DDX4: variants seen among roughly 807,000 people sequenced by gnomAD.
DDX4 encodes probable ATP-dependent RNA helicase DDX4.
In DDX4, 25 loss-of-function variants were observed where a neutral mutation model predicts 100.0. The ratio of observed to expected loss-of-function variants is 0.25; its 90% CI spans 0.18 to 0.35. The LOEUF is 0.35. Ranked by LOEUF, DDX4 falls within the 10% of genes least tolerant of loss-of-function variation. The probability of loss-of-function intolerance (pLI) is 1.00; values close to 1 mark genes in which losing one functional copy is unlikely to be tolerated. For missense variants in DDX4, 635 were observed against 882.4 expected (o/e 0.72, Z 3.55); for synonymous variants, 259 against 275.7 (o/e 0.94, Z 0.60).
At chr5:55,777,282 T>TA (rs1224188515) in intron 7 of DDX4, among the ~76,000 whole-genome samples, 1 of 152,088 alleles carries the variant, frequency 6.6e-6, no homozygotes, top group Non-Finnish European at 1.5e-5. Context: ...GTAATCATAA[T>TA]ATAGGTAAGC....
chr5:55,778,893 C>CA (rs35427276), intron 7 of DDX4, among the ~76,000 whole-genome samples: 145,093 of 147,442 alleles, frequency 0.98, 71,391 homozygotes, highest in South Asian at 1. Flanking sequence ...GACTTCGCCT[C>CA]AAAAAAAAAA....
intron 18 of DDX4, among the ~76,000 whole-genome samples, chr5:55,806,116 G>A (rs146140833): frequency 0.069 from 10,440 of 152,194 alleles, 555 homozygotes; most frequent in African/African-American, 0.15. Flanking sequence ...TTGCGTAGAG[G>A]TGTTTGTAGC....
rs574083315 is a variant in DDX4 at position 55,785,985 on chromosome 5, G to A, written c.864+114G>A. On this transcript the variant is annotated intron_variant, in intron 13 of 21. Coordinates refer to ENST00000505374, the MANE Select transcript of DDX4 (RefSeq NM_024415.3). The stretch of plus-strand genomic sequence containing the variant: ...ATAGATTTCACCTTTCGTATATAAG[G>A]TCTTAGGTTGGAAATTTAGAATGAT... The A allele has an allele frequency of 2.3e-5, 15 of 638,538 alleles. No individual in the cohort carries two copies. In the African/African-American group the frequency reaches 2.6e-4, roughly 11 times the overall value. 39.6% of individuals were successfully genotyped at this position (638,538 alleles called of 1,614,324 possible).
chr5:55,787,903 C>G lies in DDX4; in HGVS notation c.1075C>G (p.Arg359Gly). 6.2e-7 allele frequency: 1 copy of G among 1,613,880 alleles called. No individual in the cohort carries two copies. Among genetic ancestry groups the G allele is most frequent in the Non-Finnish European group, 8.5e-7 (1 of 1,179,934 alleles). Residue 359 changes from arginine to glycine, a missense_variant, in exon 15 of 22, where the codon CGT (arginine) becomes GGT (glycine). Arg to Gly is a moderately radical substitution (Grantham distance 125). Coordinates refer to ENST00000505374, the MANE Select transcript of DDX4 (RefSeq NM_024415.3). ...GATGCATGATGGAATAACTGCCAGT[C>G]GTTTTAAAGAGTTGCAGGAACCAGA... The part of the protein sequence containing the change: ...HMMHDGITAS[R>G]FKELQEPECI...
At chr5:55,771,694 T>G (rs1741262545) in intron 7 of DDX4, among the ~76,000 whole-genome samples, 1 of 152,204 alleles carries the variant, frequency 6.6e-6, no homozygotes. Context: ...TAACCAATGC[T>G]TGGTATTTTC....
chr5:55,757,649 A>G (rs575293575), intron 3 of DDX4, among the ~76,000 whole-genome samples: 1 of 152,158 alleles, frequency 6.6e-6, no homozygotes, highest in Non-Finnish European at 1.5e-5. Flanking sequence ...CTGTGACTTT[A>G]TTGTAGAATC....
At chr5:55,790,410 T>G (rs1476247611) in intron 15 of DDX4, among the ~76,000 whole-genome samples, 166 bp from the exon 16 acceptor site, 1 of 152,244 alleles carries the variant, frequency 6.6e-6, no homozygotes, top group Non-Finnish European at 1.5e-5. Context: ...CCTCCCAAAG[T>G]GCTGGGATTA....
At chr5:55,760,405 T>A in intron 4 of DDX4, 128 bp downstream of exon 4, 1 of 908,422 alleles carries the variant, frequency 1.1e-6, no homozygotes, top group Non-Finnish European at 1.5e-6. Context: ...GGTGTTGAGA[T>A]AATGAGTTCA....
At chr5:55,779,908 C>G in intron 7 of DDX4, 56 bp from the exon 8 acceptor site, 2 of 1,568,746 alleles carry the variant, frequency 1.3e-6, no homozygotes, top group Non-Finnish European at 1.7e-6. Context: ...GACCATGTCC[C>G]CAAGATTTCT....
At chr5:55,807,163 T>C (rs377564213) in intron 18 of DDX4, among the ~76,000 whole-genome samples, 14 of 152,326 alleles carry the variant, frequency 9.2e-5, no homozygotes, top group Middle Eastern at 3.4e-3. Context: ...TTTTTTGTTT[T>C]CCATTTGCTT....
intron 7 of DDX4, 62 bp downstream of exon 7, chr5:55,768,002 A>G (rs1246121630): frequency 7.0e-7 from 1 of 1,418,724 alleles, no homozygotes; most frequent in Non-Finnish European, 1.0e-6. Context: ...GGTAAAACTG[A>G]TTTTGAAGGA....
intron 14 of DDX4, 36 bp downstream of exon 14, chr5:55,786,706 T>G: frequency 1.3e-6 from 2 of 1,579,100 alleles, no homozygotes; most frequent in Non-Finnish European, 1.7e-6. Context: ...CTGTTAGGTT[T>G]TTTGAGCTTT....
chr5:55,783,657 G>GGATT (rs1742059259), intron 10 of DDX4, among the ~76,000 whole-genome samples: 2 of 149,784 alleles, frequency 1.3e-5, no homozygotes, highest in African/African-American at 4.9e-5. Context: ...ATGGATGGAT[G>GGATT]GATGGATGGA....
chr5:55,816,431 TTTC>T (rs1744422837), intron 21 of DDX4, 29 bp from the exon 22 acceptor site: 3 of 1,547,000 alleles, frequency 1.9e-6, no homozygotes, highest in Middle Eastern at 1.7e-4. Context: ...TGTTTGTTTG[TTTC>T]TTTTTTTTTT....
At chr5:55,776,025 C>A (rs904819738) in intron 7 of DDX4, among the ~76,000 whole-genome samples, 1 of 152,120 alleles carries the variant, frequency 6.6e-6, no homozygotes, top group Non-Finnish European at 1.5e-5. Context: ...GAGTCTGAGG[C>A]AGGAGAATCA....
chr5:55,797,877 A>G (rs62361905), intron 17 of DDX4, among the ~76,000 whole-genome samples: 16,714 of 152,244 alleles, frequency 0.11, 1,046 homozygotes, highest in Middle Eastern at 0.15. Flanking sequence ...TGTTTTGCCC[A>G]ATTGTGCTAT....
chr5:55,814,408 GTAT>G (rs1744275606), intron 19 of DDX4, among the ~76,000 whole-genome samples: 2 of 152,076 alleles, frequency 1.3e-5, no homozygotes, highest in African/African-American at 4.8e-5. Flanking sequence ...GCAACTCAAA[GTAT>G]TATATTGAGG....
intron 7 of DDX4, among the ~76,000 whole-genome samples, chr5:55,776,104 A>C (rs1741544570): frequency 6.6e-6 from 1 of 152,208 alleles, no homozygotes; most frequent in Admixed American, 6.5e-5. Flanking sequence ...TGGGTGACCG[A>C]ACGAGACTCT....
chr5:55,764,517 A>C (rs1740767130), intron 6 of DDX4, among the ~76,000 whole-genome samples: 1 of 152,138 alleles, frequency 6.6e-6, no homozygotes, highest in Non-Finnish European at 1.5e-5. Flanking sequence ...GAATGATGAG[A>C]ATGATGAAAA....
Sources: gnomAD v4.1 joint callset for allele counts (sites outside exome capture counted in the v4.1 genomes callset) on GRCh38, gnomAD v4.1.1 for gene constraint, MANE v1.5 for transcripts, NCBI Gene and HGNC (gene_info 2026-07-23, HGNC 2026-07-21) for gene names.